The following RNF112 variants were observed in gnomAD, a reference collection of about 807,000 sequenced individuals.
RNF112 encodes ring finger protein 112.
A neutral mutation model predicts 64.7 loss-of-function variants in RNF112; 34 were observed. The ratio of observed to expected loss-of-function variants is 0.53; its 90% CI spans 0.40 to 0.70. The LOEUF is 0.70. Ranked by LOEUF, RNF112 falls within the 30% of genes least tolerant of loss-of-function variation. RNF112 has a pLI of 0.00. For synonymous variants in RNF112, 345 were observed against 344.5 expected (o/e 1.00, Z -0.02); for missense variants, 734 against 850.0 (o/e 0.86, Z 1.70).
Position 19,414,639 on chromosome 17 carries a change from G to A in RNF112, c.987G>A (p.Gly329=). 2.5e-6 allele frequency: 4 copies of A among 1,612,876 alleles called. No homozygotes were observed. The highest frequency in any genetic ancestry group is 3.4e-6 in the Non-Finnish European group (4 of 1,179,848). The change falls in exon 9 of 14, where the codon GGG becomes GGA. Residue 329 remains glycine, a synonymous_variant. Coordinates refer to ENST00000461366, the MANE Select transcript of RNF112 (RefSeq NM_007148.5). ...DSSHPNKAGQ[G]HVGNIFQRLS... ...CCCACCCCAACAAGGCAGGGCAGGG[G>A]CATGTAGGCAACATCTTCCAGGTGA... is the stretch of plus-strand genomic sequence containing the variant.
In RNF112 at chr17:19,412,907, G is replaced by T; in HGVS notation, c.382-31G>T. ...CCAGGGTCAGGAGCTGGTCCTGGAT[G>T]CTCAGGGGCCCCTCTCTTCTCCTGG... On this transcript the variant is annotated intron_variant, in intron 3 of 13. Transcript: ENST00000461366. This position sits in a 1 kb window ranked among gnomAD's most constrained non-coding sequence, Gnocchi z 5.1. The T allele has an allele frequency of 6.4e-7, 1 of 1,564,218 alleles. No individual in the cohort carries two copies. The highest frequency in any genetic ancestry group is 8.7e-7 in the Non-Finnish European group (1 of 1,155,814).
At chr17:19,411,816 G>A in intron 2 of RNF112, 146 bp downstream of exon 2, 1 of 850,330 alleles carries the variant, frequency 1.2e-6, no homozygotes, top group Non-Finnish European at 1.9e-6. Context: ...GTGGAGGGAG[G>A]GACAGGAAGA....
At position 19,413,820 on chromosome 17, in the gene RNF112, G is replaced by T; in HGVS notation, c.825+139G>T. 1.4e-6 allele frequency: 1 copy of T among 692,882 alleles called. No homozygotes were observed. Among genetic ancestry groups the T allele is most frequent in the Non-Finnish European group, 2.4e-6 (1 of 418,150 alleles). The allele number at this position is 692,882 out of a possible 1,614,324, so 42.9% of individuals were successfully genotyped here. On this transcript the variant is annotated intron_variant, in intron 6 of 13. Transcript: ENST00000461366. The surrounding 1 kb of genome is among the most constrained non-coding windows in gnomAD (Gnocchi z 5.9). The stretch of plus-strand genomic sequence containing the variant: ...GGGGCTGCCTTAGAAGGGGGAAGGT[G>T]CTCCTAGTTGGTGAAGGTGGGAACG...
At position 19,416,032 on chromosome 17, in the gene RNF112, G is replaced by A; in HGVS notation, c.1753G>A (p.Gly585Arg). 1 of 1,548,426 alleles carries A rather than the reference G, an allele frequency of 6.5e-7. No individual in the cohort carries two copies. Among genetic ancestry groups the A allele is most frequent in the Non-Finnish European group, 8.7e-7 (1 of 1,148,370 alleles). ...TGCAGAGGCTGGGATGGTGGCTGCT[G>A]GAGCTGCCGTGGGGGCCACAGGGGC... The part of the protein sequence containing the change: ...LAAEAGMVAA[G>R]AAVGATGAAV... Residue 585 changes from glycine (G) to arginine (R), a missense_variant, in exon 14 of 14, where the codon GGA becomes AGA. Physicochemically the swap from Gly to Arg is moderately radical, Grantham distance 125. Transcript: ENST00000461366.
chr17:19,415,510 G>A lies in RNF112; in HGVS notation c.1351-8G>A, dbSNP rs748673653. 6.8e-6 allele frequency: 11 copies of A among 1,609,360 alleles called. No individual in the cohort carries two copies. Among genetic ancestry groups the A allele is most frequent in the Admixed American group, 1.7e-5 (1 of 59,310 alleles). On this transcript the variant is annotated splice_polypyrimidine_tract_variant and splice_region_variant and intron_variant, in intron 12 of 13. Coordinates refer to ENST00000461366, the MANE Select transcript of RNF112 (RefSeq NM_007148.5). The surrounding 1 kb of genome is among the most constrained non-coding windows in gnomAD (Gnocchi z 7.8). ...GGAAGGAGGCAGCCTGGGTTTTCCCGTGGACAGATGGCTGCTCAGCTGCAC... is the reference window on the plus strand; with the variant it reads ...GGAAGGAGGCAGCCTGGGTTTTCCCATGGACAGATGGCTGCTCAGCTGCAC...
In RNF112 at chr17:19,414,633, G is replaced by A. The variant is rs771649707; in HGVS notation, c.981G>A (p.Gly327=). Residue 327 remains glycine (G), a synonymous_variant, in exon 9 of 14, where the codon GGG becomes GGA. Transcript: ENST00000461366. The part of the protein sequence containing the change: ...VRDSSHPNKA[G]QGHVGNIFQR... ...ACTCATCCCACCCCAACAAGGCAGGGCAGGGGCATGTAGGCAACATCTTCC... is the reference window on the plus strand; with the variant it reads ...ACTCATCCCACCCCAACAAGGCAGGACAGGGGCATGTAGGCAACATCTTCC... 6.2e-7 allele frequency: 1 copy of A among 1,613,170 alleles called. No homozygotes were observed. The highest frequency in any genetic ancestry group is 8.5e-7 in the Non-Finnish European group (1 of 1,179,870).
rs376279180 is a variant in RNF112, at chr17:19,413,354, C to T, written c.663C>T (p.Leu221=). ...LQGCRWGANG[L]ARGIWMWSHP... ...GCTGCAGGTGGGGCGCCAATGGCCT[C>T]GCCAGGGGCATATGGATGTGGAGCC... Residue 221 remains leucine, a synonymous_variant, in exon 5 of 14, where the codon CTC becomes CTT. Transcript: ENST00000461366. The surrounding 1 kb of genome is among the most constrained non-coding windows in gnomAD (Gnocchi z 5.9). 13 of 1,613,068 alleles carry T rather than the reference C, an allele frequency of 8.1e-6. No homozygotes were observed. The highest frequency in any genetic ancestry group is 1.7e-5 in the Admixed American group (1 of 59,948).
chr17:19,413,306 A>G lies in RNF112; in HGVS notation c.615A>G (p.Arg205=). 2 of 1,612,012 alleles carry G rather than the reference A, an allele frequency of 1.2e-6. No individual in the cohort carries two copies. Among genetic ancestry groups the G allele is most frequent in the Non-Finnish European group, 1.7e-6 (2 of 1,178,742 alleles). Residue 205 remains arginine (R), a synonymous_variant, in exon 5 of 14, where the codon AGA becomes AGG. Transcript: ENST00000461366. This position sits in a 1 kb window ranked among gnomAD's most constrained non-coding sequence, Gnocchi z 5.9. The part of the protein sequence containing the change: ...GLESGEGGRP[R]GGEASLQGCR... ...AGTCTGGTGAGGGCGGCCGGCCAAG[A>G]GGAGGAGAGGCATCCCTGCAGGGCT...
rs1223307470 is a variant in RNF112, at chr17:19,412,592, T to G, written c.190T>G (p.Leu64Val). 6.2e-7 allele frequency: 1 copy of G among 1,613,102 alleles called. No homozygotes were observed. The highest frequency in any genetic ancestry group is 1.7e-5 in the Admixed American group (1 of 59,936). ...TACCTGCTCCATCTGCCTGGAGAGG[T>G]TGCGCGACCCCATCTCGCTGGACTG... ...LPTCSICLER[L>V]RDPISLDCGH... Residue 64 changes from leucine to valine, a missense_variant, in exon 3 of 14, where the codon TTG becomes GTG. Physicochemically the swap from Leu to Val is conservative, Grantham distance 32. Coordinates refer to ENST00000461366, the MANE Select transcript of RNF112 (RefSeq NM_007148.5). The surrounding 1 kb of genome is among the most constrained non-coding windows in gnomAD (Gnocchi z 5.1).
rs528797313 is a variant in RNF112 at position 19,414,116 on chromosome 17, C to A, written c.847C>A (p.Leu283Met). Residue 283 changes from leucine to methionine, a missense_variant, in exon 7 of 14, where the codon CTG (leucine) becomes ATG (methionine). Coordinates refer to ENST00000461366, the MANE Select transcript of RNF112 (RefSeq NM_007148.5). ...SYQILSTSQE[L>M]KDTDLDYLEM... ...CCAGATCCTCAGCACCTCCCAGGAG[C>A]TGAAGGATACAGACCTGGACTATCT... 6.2e-7 allele frequency: 1 copy of A among 1,603,702 alleles called. No homozygotes were observed. Among genetic ancestry groups the A allele is most frequent in the Admixed American group, 1.7e-5 (1 of 59,838 alleles).
In RNF112 at chr17:19,412,357, G is replaced by T. The variant is rs968078353; in HGVS notation, c.96-141G>T. The T allele has an allele frequency of 5.6e-6, 5 of 889,140 alleles. No individual in the cohort carries two copies. The highest frequency in any genetic ancestry group is 8.4e-6 in the Non-Finnish European group (5 of 596,210). The allele number at this position is 889,140 out of a possible 1,614,324, so 55.1% of individuals were successfully genotyped here. On this transcript the variant is annotated intron_variant, in intron 2 of 13. Coordinates refer to ENST00000461366, the MANE Select transcript of RNF112 (RefSeq NM_007148.5). This position sits in a 1 kb window ranked among gnomAD's most constrained non-coding sequence, Gnocchi z 5.1. ...GGCCTCTCTGGGAGCAGCTCCGCCT[G>T]TCCATGGAGGCACTGATGGAAATTG...
chr17:19,411,790 C>T (rs878980171), intron 2 of RNF112, 120 bp downstream of exon 2: 2 of 1,058,690 alleles, frequency 1.9e-6, no homozygotes, highest in Non-Finnish European at 2.8e-6. Flanking sequence ...CCGCCTGAGG[C>T]TGGATCCGCC....
Position 19,413,396 on chromosome 17 carries a change from G to A in RNF112, c.705G>A (p.Gly235=), listed in dbSNP as rs867304705. ...IWMWSHPFLL[G]KEGKKVAVFL... ...TGTGGAGCCACCCCTTCTTGCTGGGGAAAGAAGGGAAGAAGGTGAGGGGGG... is the reference window on the plus strand; with the variant it reads ...TGTGGAGCCACCCCTTCTTGCTGGGAAAAGAAGGGAAGAAGGTGAGGGGGG... Residue 235 remains glycine, a synonymous_variant, in exon 5 of 14, where the codon GGG becomes GGA. Coordinates refer to ENST00000461366, the MANE Select transcript of RNF112 (RefSeq NM_007148.5). This position sits in a 1 kb window ranked among gnomAD's most constrained non-coding sequence, Gnocchi z 5.9. 6.2e-7 allele frequency: 1 copy of A among 1,612,286 alleles called. No homozygotes were observed. The highest frequency in any genetic ancestry group is 8.5e-7 in the Non-Finnish European group (1 of 1,178,978).
Position 19,414,446 on chromosome 17 carries a change from C to G in RNF112, c.877-3C>G. ...CCTGACGCTTTCTGTGTCCCACCCC[C>G]AGATGTTTGTCCACGTGGCCGAGGT... is the stretch of plus-strand genomic sequence containing the variant. On this transcript the variant is annotated splice_polypyrimidine_tract_variant and splice_region_variant and intron_variant, in intron 7 of 13. Transcript: ENST00000461366. 2 of 1,614,000 alleles carry G rather than the reference C, an allele frequency of 1.2e-6. No homozygotes were observed. The highest frequency in any genetic ancestry group is 1.7e-6 in the Non-Finnish European group (2 of 1,179,868).
rs1287338005 is a variant in RNF112, at chr17:19,413,355, G to A, written c.664G>A (p.Ala222Thr). The change falls in exon 5 of 14, where the codon GCC (alanine) becomes ACC (threonine). Residue 222 changes from alanine (A) to threonine (T), a missense_variant. Ala to Thr is a moderately conservative substitution (Grantham distance 58). Coordinates refer to ENST00000461366, the MANE Select transcript of RNF112 (RefSeq NM_007148.5). This position sits in a 1 kb window ranked among gnomAD's most constrained non-coding sequence, Gnocchi z 5.9. ...QGCRWGANGLARGIWMWSHPF... is the reference protein window; with the variant it reads ...QGCRWGANGLTRGIWMWSHPF... ...CTGCAGGTGGGGCGCCAATGGCCTC[G>A]CCAGGGGCATATGGATGTGGAGCCA... The A allele has an allele frequency of 8.1e-6, 13 of 1,613,130 alleles. No individual in the cohort carries two copies. Among genetic ancestry groups the A allele is most frequent in the African/African-American group, 2.7e-5 (2 of 74,884 alleles).
chr17:19,411,978 C>A, intron 2 of RNF112: 1 of 518,042 alleles, frequency 1.9e-6, no homozygotes, highest in Non-Finnish European at 3.5e-6. Context: ...GGTATCATCC[C>A]TGGGGGCCTG....
In RNF112 at chr17:19,414,506, G is replaced by GTGAGACACCTATC. The variant is rs1913793886; in HGVS notation, c.933+3_933+15dup. 6.2e-7 allele frequency: 1 copy of GTGAGACACCTATC among 1,613,978 alleles called. No individual in the cohort carries two copies. Among genetic ancestry groups the GTGAGACACCTATC allele is most frequent in the Non-Finnish European group, 8.5e-7 (1 of 1,179,874 alleles). ...GCATTATGGGATGGTGCCAATCCAG[G>GTGAGACACCTATC]TGAGACACCTATCTCTGGATTCATT... On this transcript the variant is annotated splice_donor_variant, in intron 8 of 13. Coordinates refer to ENST00000461366, the MANE Select transcript of RNF112 (RefSeq NM_007148.5). LOFTEE classifies it high-confidence loss of function.
Position 19,414,569 on chromosome 17 carries a change from G to A in RNF112, c.934-17G>A. 1 of 1,613,962 alleles carries A rather than the reference G, an allele frequency of 6.2e-7. No individual in the cohort carries two copies. Among genetic ancestry groups the A allele is most frequent in the South Asian group, 1.1e-5 (1 of 91,084 alleles). ...CGCCACCCCCATTTGCTGGTGTCAG[G>A]ACCCCTTCTCTTTCAGCATCTGGAC... On this transcript the variant is annotated splice_polypyrimidine_tract_variant and intron_variant, in intron 8 of 13. Transcript: ENST00000461366.
rs544808951 is a variant in RNF112, at chr17:19,415,898, C to T, written c.1619C>T (p.Thr540Met). 2.5e-4 allele frequency: 402 copies of T among 1,613,076 alleles called. 2 individuals are homozygous for T. The South Asian group carries it at 3.5e-3, about 14-fold the overall frequency. Residue 540 changes from threonine to methionine, a missense_variant, in exon 14 of 14, where the codon ACG becomes ATG. Physicochemically the swap from Thr to Met is moderately conservative, Grantham distance 81 (BLOSUM62 -1). Coordinates refer to ENST00000461366, the MANE Select transcript of RNF112 (RefSeq NM_007148.5). This position sits in a 1 kb window ranked among gnomAD's most constrained non-coding sequence, Gnocchi z 7.8. ...ATAKAFMDSY[T>M]MRFCGHLAAV... Reference sequence around the variant, plus strand: ...GCCAAGGCCTTCATGGACTCCTACACGATGCGCTTCTGTGGCCACCTAGCT... The same window carrying T: ...GCCAAGGCCTTCATGGACTCCTACATGATGCGCTTCTGTGGCCACCTAGCT...
Sources: gnomAD v4.1 joint callset for allele counts on GRCh38, gnomAD v4.1.1 for gene constraint, Gnocchi (gnomAD v3.1) non-coding constraint, MANE v1.5 for transcripts, NCBI Gene and HGNC (gene_info 2026-07-23, HGNC 2026-07-21) for gene names.